Variants in PAH observed in about 807,000 individuals in gnomAD.
The protein encoded by PAH is phenylalanine-4-hydroxylase.
PAH carries 64 observed loss-of-function variants against 62.0 expected under a neutral mutation model. That is an observed-to-expected ratio of 1.03 (90% CI 0.84 to 1.27). PAH has a LOEUF of 1.27. PAH is among the 50% of genes most tolerant of loss of function. PAH has a pLI of 0.00. For missense variants in PAH, 579 were observed against 542.8 expected, an observed-to-expected ratio of 1.07 and a Z score of -0.66; for synonymous variants, 195 against 196.2, an observed-to-expected ratio of 0.99 and a Z score of 0.05.
intron 3 of PAH, among the ~76,000 whole-genome samples, chr12:102,878,311 CAG>C (rs1215080903): frequency 6.6e-6 from 1 of 152,140 alleles, no homozygotes; most frequent in Non-Finnish European, 1.5e-5. Context: ...GCAGAGTGAA[CAG>C]AGTCAGATAG....
chr12:102,932,321 C>A (rs1476409325), intron 1 of PAH, among the ~76,000 whole-genome samples: 1 of 152,166 alleles, frequency 6.6e-6, no homozygotes, highest in African/African-American at 2.4e-5. Context: ...AGTTAACAAC[C>A]ATGATTATGT....
intron 1 of PAH, among the ~76,000 whole-genome samples, chr12:102,939,396 A>G (rs34898627): frequency 0.31 from 46,659 of 151,962 alleles, 8,032 homozygotes; most frequent in African/African-American, 0.48. Flanking sequence ...GGCAGGGCCC[A>G]CTGGCTTAGG....
intron 5 of PAH, among the ~76,000 whole-genome samples, chr12:102,862,714 A>T (rs1875782054): frequency 6.6e-6 from 1 of 152,194 alleles, no homozygotes; most frequent in Non-Finnish European, 1.5e-5. Context: ...AGGAACACAG[A>T]GTCTGGGACA....
chr12:102,956,529 G>T (rs1308133220), intron 1 of PAH, among the ~76,000 whole-genome samples: 2 of 152,046 alleles, frequency 1.3e-5, no homozygotes, highest in African/African-American at 4.8e-5. Context: ...GCCTGGGGCG[G>T]GATGGTGGCT....
rs1801152 is a variant in PAH at position 102,840,473 on chromosome 12, G to A, written c.1242C>T (p.Tyr414=). 18,638 of 1,613,812 alleles carry A rather than the reference G, an allele frequency of 0.012. 143 individuals are homozygous for A. Among genetic ancestry groups the A allele is most frequent in the Non-Finnish European group, 0.015 (17,371 of 1,179,724 alleles). ...ATIPRPFSVR[Y]DPYTQRIEVL... ...CCTCAATCCTTTGGGTGTATGGGTC[G>A]TAGCGAACTGAGAAGGGCCGAGGTA... Residue 414 remains tyrosine, a synonymous_variant, in exon 12 of 13, where the codon TAC becomes TAT. Transcript: ENST00000553106.
At chr12:102,840,067 G>C (rs1368173925) in intron 12 of PAH, among the ~76,000 whole-genome samples, 1 of 152,192 alleles carries the variant, frequency 6.6e-6, no homozygotes, top group Non-Finnish European at 1.5e-5. Context: ...ATAGAACCAG[G>C]CAGAGTGATA....
At chr12:102,905,314 C>T (rs1336267597) in intron 2 of PAH, among the ~76,000 whole-genome samples, 1 of 152,230 alleles carries the variant, frequency 6.6e-6, no homozygotes, top group Non-Finnish European at 1.5e-5. Context: ...CCCCAAATAG[C>T]TCCCTGATTC....
At chr12:102,912,247 C>G (rs560954296) in intron 2 of PAH, among the ~76,000 whole-genome samples, 2 of 152,080 alleles carry the variant, frequency 1.3e-5, no homozygotes, top group Non-Finnish European at 2.9e-5. Flanking sequence ...AATCATAAGA[C>G]ATTTACCAAT....
intron 11 of PAH, among the ~76,000 whole-genome samples, chr12:102,843,019 C>T (rs1422181282): frequency 1.3e-5 from 2 of 152,206 alleles, no homozygotes; most frequent in Non-Finnish European, 2.9e-5. Flanking sequence ...AGAACCACTC[C>T]ATCAGCCTCT....
intron 4 of PAH, among the ~76,000 whole-genome samples, chr12:102,868,675 AT>A (rs1421633310): frequency 6.7e-6 from 1 of 148,220 alleles, no homozygotes; most frequent in East Asian, 1.9e-4. Flanking sequence ...AAAAAAAAAA[AT>A]AAAACTGGGC....
intron 12 of PAH, among the ~76,000 whole-genome samples, chr12:102,839,507 A>C (rs1874495696): frequency 6.6e-6 from 1 of 152,202 alleles, no homozygotes; most frequent in Admixed American, 6.5e-5. Flanking sequence ...TCTCTTTTAC[A>C]TTACCATCTG....
intron 4 of PAH, among the ~76,000 whole-genome samples, chr12:102,870,928 A>G (rs1001546227): frequency 5.9e-5 from 9 of 152,206 alleles, no homozygotes; most frequent in African/African-American, 1.9e-4. Flanking sequence ...CAAGCCCATA[A>G]GCCAGGAGTT....
chr12:102,844,501 A>C, intron 9 of PAH, 70 bp from the exon 10 acceptor site: 1 of 985,374 alleles, frequency 1.0e-6, no homozygotes. Flanking sequence ...TGACTGGATG[A>C]AGGGATACCT....
At chr12:102,916,753 T>A (rs3792590) in intron 1 of PAH, among the ~76,000 whole-genome samples, 52,451 of 151,984 alleles carry the variant, frequency 0.35, 9,594 homozygotes, top group Admixed American at 0.45. Context: ...TACAGAAGAG[T>A]AAACAGACAA....
chr12:102,877,536 T>C lies in PAH; in HGVS notation c.367A>G (p.Arg123Gly). ...AATCTGTCCAGCTCTTGAATGGTTC[T>C]TGGGAACCAGGGCACTGAAACACAG... ...KKKDTVPWFP[R>G]TIQELDRFAN... is the part of the protein sequence containing the mutation. The change falls in exon 4 of 13, where the codon AGA (arginine) becomes GGA (glycine). Residue 123 changes from arginine to glycine, a missense_variant. By Grantham distance (125) the Arg-to-Gly change is moderately radical. Coordinates refer to ENST00000553106, the MANE Select transcript of PAH (RefSeq NM_000277.3). The C allele has an allele frequency of 1.2e-6, 2 of 1,613,494 alleles. No individual in the cohort carries two copies. Among genetic ancestry groups the C allele is most frequent in the Non-Finnish European group, 1.7e-6 (2 of 1,179,432 alleles).
intron 5 of PAH, among the ~76,000 whole-genome samples, chr12:102,857,894 T>G (rs1301003817): frequency 6.6e-6 from 1 of 152,150 alleles, no homozygotes; most frequent in Non-Finnish European, 1.5e-5. Context: ...AGACCATTGA[T>G]TCCGGGAAGA....
At chr12:102,845,961 G>T (rs1479647577) in intron 9 of PAH, among the ~76,000 whole-genome samples, 2 of 152,166 alleles carry the variant, frequency 1.3e-5, no homozygotes, top group African/African-American at 4.8e-5. Context: ...TCTTTGTAGA[G>T]ATGAGAAATT....
At position 102,852,557 on chromosome 12, in the gene PAH, T is replaced by C. The variant is rs113860576; in HGVS notation, c.842+258A>G. Reference sequence around the variant, plus strand: ...TCGTAGCTTTGACTTTGGAACTTGATTGGGATCTCTCATTCTCACTGCCAA... The same window carrying C: ...TCGTAGCTTTGACTTTGGAACTTGACTGGGATCTCTCATTCTCACTGCCAA... On this transcript the variant is annotated intron_variant, in intron 7 of 12. Transcript: ENST00000553106. Among the ~76,000 whole-genome samples the C allele has an allele frequency of 2.3e-3, 352 of 152,336 alleles. 4 individuals are homozygous for C. The highest frequency in any genetic ancestry group is 0.02 in the Middle Eastern group (6 of 294).
intron 5 of PAH, among the ~76,000 whole-genome samples, chr12:102,862,038 C>T (rs1304313376): frequency 6.6e-6 from 1 of 151,370 alleles, no homozygotes; most frequent in African/African-American, 2.4e-5. Context: ...TTTGACCCAG[C>T]AATCCTATTA....
Sources: gnomAD v4.1 joint callset for allele counts (sites outside exome capture counted in the v4.1 genomes callset) on GRCh38, gnomAD v4.1.1 for gene constraint, MANE v1.5 for transcripts, NCBI Gene and HGNC (gene_info 2026-07-23, HGNC 2026-07-21) for gene names.